SLC10A7: variants seen among roughly 807,000 people sequenced by gnomAD.
The protein encoded by SLC10A7 is sodium/bile acid cotransporter 7.
In SLC10A7, 29 loss-of-function variants were observed where a neutral mutation model predicts 43.2. That is an observed-to-expected ratio of 0.67 (90% confidence interval 0.50 to 0.92). The LOEUF is 0.92. SLC10A7 is among the 40% of genes least tolerant of loss of function. The pLI, the probability that SLC10A7 is intolerant of heterozygous loss-of-function variation, is 0.00. For synonymous variants in SLC10A7, 152 were observed against 144.8 expected, an observed-to-expected ratio of 1.05 and a Z score of -0.35; for missense variants, 295 against 403.2, an observed-to-expected ratio of 0.73 and a Z score of 2.30.
intron 5 of SLC10A7, among the ~76,000 whole-genome samples, chr4:146,327,272 C>A (rs1386518094): frequency 6.6e-6 from 1 of 152,156 alleles, no homozygotes; most frequent in African/African-American, 2.4e-5. Context: ...TTATTGTGCA[C>A]ACTTTTGCAA....
intron 4 of SLC10A7, among the ~76,000 whole-genome samples, chr4:146,460,989 A>G (rs1732478710): frequency 6.6e-6 from 1 of 152,024 alleles, no homozygotes; most frequent in African/African-American, 2.4e-5. Context: ...GAAATGAACC[A>G]AAACCACCAA....
At chr4:146,350,757 C>A (rs1374990858) in intron 5 of SLC10A7, among the ~76,000 whole-genome samples, 1 of 90,272 alleles carries the variant, frequency 1.1e-5, no homozygotes, top group African/African-American at 6.5e-5. Flanking sequence ...GGGAGGCACC[C>A]CCCAGCAGGG....
chr4:146,377,013 T>C (rs1385755442), intron 5 of SLC10A7, among the ~76,000 whole-genome samples: 1 of 152,188 alleles, frequency 6.6e-6, no homozygotes, highest in East Asian at 1.9e-4. Context: ...GGCTATAACT[T>C]AATGCTTGCT....
intron 5 of SLC10A7, among the ~76,000 whole-genome samples, chr4:146,421,073 G>A (rs933919872): frequency 2.0e-5 from 3 of 151,826 alleles, no homozygotes; most frequent in Non-Finnish European, 4.4e-5. Context: ...AGAATTTTGG[G>A]GTAAAATACT....
chr4:146,342,123 C>G (rs1734308077), intron 5 of SLC10A7, among the ~76,000 whole-genome samples: 1 of 151,936 alleles, frequency 6.6e-6, no homozygotes, highest in Non-Finnish European at 1.5e-5. Flanking sequence ...GATAATCATA[C>G]TATACACAGT....
intron 5 of SLC10A7, among the ~76,000 whole-genome samples, chr4:146,354,474 T>C (rs1185660985): frequency 6.6e-6 from 1 of 151,448 alleles, no homozygotes; most frequent in Non-Finnish European, 1.5e-5. Flanking sequence ...CAAGGTAATT[T>C]ACAGATTCAA....
At position 146,258,700 on chromosome 4, in the gene SLC10A7, TTGATAC is replaced by T; in HGVS notation, c.979_984del (p.Val327_Ser328del). Reference sequence around the variant, plus strand: ...TCTTTCTGGGGACTCACCTTCTGCCTTGATACCATCCAAGACTTGATTGTTGGCACC... The same window carrying T: ...TCTTTCTGGGGACTCACCTTCTGCCTCATCCAAGACTTGATTGTTGGCACC... On this transcript the variant is annotated inframe_deletion, in exon 11 of 12. Transcript: ENST00000335472. 6.3e-7 allele frequency: 1 copy of T among 1,589,768 alleles called. No homozygotes were observed. The highest frequency in any genetic ancestry group is 8.5e-7 in the Non-Finnish European group (1 of 1,174,510).
intron 7 of SLC10A7, among the ~76,000 whole-genome samples, chr4:146,299,151 T>C (rs1351169416): frequency 6.6e-6 from 1 of 152,238 alleles, no homozygotes; most frequent in East Asian, 1.9e-4. Flanking sequence ...TAAAACCTCA[T>C]GTTAAAAGAT....
chr4:146,442,613 C>T (rs1417190412), intron 5 of SLC10A7, 170 bp downstream of exon 5: 27 of 1,458,886 alleles, frequency 1.9e-5, no homozygotes, highest in African/African-American at 1.2e-4. Context: ...AGAACATTTG[C>T]TTTATTCATT....
intron 10 of SLC10A7, among the ~76,000 whole-genome samples, chr4:146,268,308 T>C (rs1004918966): frequency 2.0e-5 from 3 of 152,062 alleles, no homozygotes; most frequent in Admixed American, 1.3e-4. Flanking sequence ...AATTCAAAAA[T>C]ATTCCTCTAT....
intron 6 of SLC10A7, among the ~76,000 whole-genome samples, chr4:146,319,018 C>T (rs1286953386): frequency 6.6e-6 from 1 of 152,032 alleles, no homozygotes; most frequent in Admixed American, 6.6e-5. Context: ...CACCATGGTC[C>T]CCTTACAATC....
intron 6 of SLC10A7, among the ~76,000 whole-genome samples, chr4:146,309,877 T>C (rs958796609): frequency 6.6e-6 from 1 of 152,162 alleles, no homozygotes; most frequent in Non-Finnish European, 1.5e-5. Flanking sequence ...CATGGGTATA[T>C]TGAGTGATGC....
intron 5 of SLC10A7, among the ~76,000 whole-genome samples, chr4:146,435,854 ATATT>A (rs998142691): frequency 6.6e-6 from 1 of 152,112 alleles, no homozygotes; most frequent in African/African-American, 2.4e-5. Context: ...AGAATAATTT[ATATT>A]TATTTATTTT....
At chr4:146,317,619 C>T (rs1057246151) in intron 6 of SLC10A7, among the ~76,000 whole-genome samples, 1 of 152,026 alleles carries the variant, frequency 6.6e-6, no homozygotes, top group South Asian at 2.1e-4. Flanking sequence ...GATCCACCCT[C>T]ACCAATGGGG....
At chr4:146,437,961 T>C in intron 5 of SLC10A7, among the ~76,000 whole-genome samples, 1 of 152,060 alleles carries the variant, frequency 6.6e-6, no homozygotes, top group South Asian at 2.1e-4. Flanking sequence ...TAGGGTTTCC[T>C]TTTAAGATCA....
At chr4:146,262,681 C>T (rs114590857) in intron 10 of SLC10A7, among the ~76,000 whole-genome samples, 3,318 of 152,234 alleles carry the variant, frequency 0.022, 110 homozygotes, top group African/African-American at 0.076. Context: ...CGTGATTTGA[C>T]CTAACCCTGC....
chr4:146,275,798 A>C (rs1729169223), intron 10 of SLC10A7, among the ~76,000 whole-genome samples: 1 of 151,112 alleles, frequency 6.6e-6, no homozygotes, highest in African/African-American at 2.4e-5. Flanking sequence ...TTTTTTTTAA[A>C]CTCAACATAC....
intron 7 of SLC10A7, 95 bp from the exon 8 acceptor site, chr4:146,294,190 G>C (rs1730629798): frequency 2.0e-6 from 2 of 1,006,360 alleles, no homozygotes; most frequent in African/African-American, 1.6e-5. Flanking sequence ...AAGACATAAA[G>C]GAAAGAGAAT....
chr4:146,510,762 C>A (rs1025888351), intron 2 of SLC10A7, among the ~76,000 whole-genome samples: 2 of 152,270 alleles, frequency 1.3e-5, no homozygotes, highest in Non-Finnish European at 2.9e-5. Flanking sequence ...AGACCTATCA[C>A]ATTTCAACCA....
Sources: allele counts gnomAD v4.1 joint callset (sites outside exome capture counted in the v4.1 genomes callset), GRCh38; gene constraint gnomAD v4.1.1; transcripts MANE v1.5; gene names NCBI Gene and HGNC (gene_info 2026-07-23, HGNC 2026-07-21).